ROBO2: variants seen among roughly 807,000 people sequenced by gnomAD.
ROBO2 encodes the protein roundabout guidance receptor 2.
ROBO2 carries 53 observed loss-of-function variants against 160.8 expected under a neutral mutation model. That is an observed-to-expected ratio of 0.33 (90% CI 0.26 to 0.41). ROBO2 has a LOEUF of 0.41. Among genes scored for constraint, ROBO2 ranks in the 10% least tolerant of loss-of-function variants. The pLI is 1.00. For synonymous variants in ROBO2, 664 were observed against 611.7 expected (o/e 1.09, Z -1.26); for missense variants, 1,577 against 1,722.4 (o/e 0.92, Z 1.49).
In ROBO2 at chr3:76,099,931, A is replaced by G. The variant is rs555220989; in HGVS notation, c.109+162329A>G. Among the ~76,000 whole-genome samples the G allele has an allele frequency of 5.3e-5, 8 of 152,256 alleles. No homozygotes were observed. In the South Asian group the frequency reaches 1.2e-3, roughly 24 times the overall value. ...CCAAATTTTCAGCAATCTTCTCAGA[A>G]TAGTTTTCGTCTGTAGGTAAGGGAG... On this transcript the variant is annotated intron_variant, in intron 2 of 26. Transcript: ENST00000487694.
chr3:76,891,126 C>T (rs540650710), intron 2 of ROBO2, among the ~76,000 whole-genome samples: 20 of 152,106 alleles, frequency 1.3e-4, no homozygotes, highest in African/African-American at 4.1e-4. Context: ...TTATGTAGTT[C>T]TTAATATCGA....
chr3:76,625,974 A>G (rs2089615004), intron 2 of ROBO2, among the ~76,000 whole-genome samples: 1 of 152,168 alleles, frequency 6.6e-6, no homozygotes, highest in African/African-American at 2.4e-5. Flanking sequence ...ATCCAGGTGA[A>G]AGTTAGATTA....
At chr3:77,286,590 T>A (rs1319648247) in intron 2 of ROBO2, among the ~76,000 whole-genome samples, 1 of 152,130 alleles carries the variant, frequency 6.6e-6, no homozygotes, top group African/African-American at 2.4e-5. Flanking sequence ...TTTGCAAATA[T>A]TATAAAATTG....
chr3:77,597,269 A>G (rs746837662), intron 19 of ROBO2, among the ~76,000 whole-genome samples: 6 of 151,872 alleles, frequency 4.0e-5, no homozygotes, highest in Non-Finnish European at 7.4e-5. Flanking sequence ...ACTTTTCTGT[A>G]GTTCCACAAC....
chr3:76,083,614 T>C (rs1387506091), intron 2 of ROBO2, among the ~76,000 whole-genome samples: 1 of 152,154 alleles, frequency 6.6e-6, no homozygotes, highest in East Asian at 1.9e-4. Context: ...CATCTGAGTT[T>C]AGATTCATAG....
intron 2 of ROBO2, among the ~76,000 whole-genome samples, chr3:77,240,694 C>A (rs932925704): frequency 3.9e-5 from 6 of 152,206 alleles, no homozygotes; most frequent in African/African-American, 1.4e-4. Flanking sequence ...ATGTGGAACC[C>A]ATGGATATGG....
chr3:76,704,977 T>G (rs921287332), intron 2 of ROBO2, among the ~76,000 whole-genome samples: 2 of 152,140 alleles, frequency 1.3e-5, no homozygotes, highest in East Asian at 1.9e-4. Flanking sequence ...GCCTGTGGAC[T>G]TTTTCTGGGT....
intron 23 of ROBO2, among the ~76,000 whole-genome samples, chr3:77,626,476 C>T (rs2095030135): frequency 6.6e-6 from 1 of 152,122 alleles, no homozygotes; most frequent in African/African-American, 2.4e-5. Flanking sequence ...GCTCATTGCA[C>T]TCTGTTTGGG....
At position 75,928,771 on chromosome 3, in the gene ROBO2, G is replaced by A. The variant is rs1267375326; in HGVS notation, c.-13-8710G>A. On this transcript the variant is annotated intron_variant, in intron 1 of 26. Coordinates refer to the ROBO2 transcript ENST00000487694. The stretch of plus-strand genomic sequence containing the variant: ...CATGAGATCTGCAGCTGGTTAAGAC[G>A]TGTGTGTGTGTGTGAGATAGCTGAT... 2.0e-5 allele frequency among the ~76,000 whole-genome samples: 3 copies of A among 150,684 alleles called. No homozygotes were observed. In the East Asian group the frequency reaches 5.9e-4, roughly 29 times the overall value.
chr3:77,574,429 G>A, intron 13 of ROBO2, 70 bp from the exon 15 acceptor site: 2 of 1,307,820 alleles, frequency 1.5e-6, no homozygotes, highest in Non-Finnish European at 2.2e-6. Flanking sequence ...CAAATGAAAA[G>A]AGGACAAATT....
At chr3:76,573,242 A>G (rs1560172384) in intron 2 of ROBO2, among the ~76,000 whole-genome samples, 1 of 152,054 alleles carries the variant, frequency 6.6e-6, no homozygotes, top group Non-Finnish European at 1.5e-5. Flanking sequence ...TGATATGTCT[A>G]AGACTCAGTT....
chr3:77,528,623 A>T (rs2091388816), intron 6 of ROBO2, among the ~76,000 whole-genome samples: 1 of 151,698 alleles, frequency 6.6e-6, no homozygotes, highest in South Asian at 2.1e-4. Context: ...GGAGAGAATA[A>T]TACTGACTTA....
At chr3:77,293,356 G>A (rs1159827894) in intron 2 of ROBO2, among the ~76,000 whole-genome samples, 1 of 150,620 alleles carries the variant, frequency 6.6e-6, no homozygotes, top group Admixed American at 6.7e-5. Flanking sequence ...AAGTAAAATT[G>A]ACGATTAAAC....
intron 2 of ROBO2, among the ~76,000 whole-genome samples, chr3:76,665,509 C>T (rs1575810589): frequency 6.6e-6 from 1 of 151,832 alleles, no homozygotes; most frequent in East Asian, 1.9e-4. Context: ...ACAAGCACCT[C>T]CTACATCCAT....
chr3:76,771,489 A>T lies in ROBO2; in HGVS notation c.110-326525A>T, dbSNP rs114263457. 3.8e-3 allele frequency among the ~76,000 whole-genome samples: 573 copies of T among 151,206 alleles called. 6 individuals carry two copies. Among genetic ancestry groups the T allele is most frequent in the African/African-American group, 0.013 (543 of 41,406 alleles). The stretch of plus-strand genomic sequence containing the variant: ...TGCATAATATTATTTTCTCATTTTG[A>T]TGTCTTTATTCCTAATCAGTCAGAA... On this transcript the variant is annotated intron_variant, in intron 2 of 26. Coordinates refer to the ROBO2 transcript ENST00000487694.
chr3:76,325,273 T>C (rs1175434611), intron 2 of ROBO2, among the ~76,000 whole-genome samples: 1 of 152,214 alleles, frequency 6.6e-6, no homozygotes, highest in Non-Finnish European at 1.5e-5. Context: ...TCAACTTTTA[T>C]GGTATCAAAG....
Position 76,646,884 on chromosome 3 carries a change from A to C in ROBO2, c.110-451130A>C, listed in dbSNP as rs146748074. On this transcript the variant is annotated intron_variant, in intron 2 of 26. Coordinates refer to the ROBO2 transcript ENST00000487694. ...GTAACTGAAAAGACATGATAGTAAG[A>C]GTACCACAGTTACTATCAGAACTAG... is the stretch of plus-strand genomic sequence containing the variant. Among the ~76,000 whole-genome samples, 1,192 of 152,334 alleles carry C rather than the reference A, an allele frequency of 7.8e-3. 6 individuals are homozygous for C. Among genetic ancestry groups the C allele is most frequent in the African/African-American group, 0.026 (1,062 of 41,582 alleles).
Position 76,952,107 on chromosome 3 carries a change from G to A in ROBO2, c.110-145907G>A, listed in dbSNP as rs1211382631. On this transcript the variant is annotated intron_variant, in intron 2 of 26. Coordinates refer to the ROBO2 transcript ENST00000487694. ...TAGCATGTGAGACTGATGACTTTCA[G>A]CAGACCTCCCATCCCATAGTAGATA... 2.6e-5 allele frequency among the ~76,000 whole-genome samples: 4 copies of A among 152,114 alleles called. No individual in the cohort carries two copies. In the East Asian group the frequency reaches 7.7e-4, roughly 29 times the overall value.
intron 2 of ROBO2, among the ~76,000 whole-genome samples, chr3:77,253,924 G>A (rs1244775300): frequency 6.6e-6 from 1 of 151,936 alleles, no homozygotes; most frequent in African/African-American, 2.4e-5. Flanking sequence ...AAAGAAAAAG[G>A]GTATATCTTG....
Sources: allele counts gnomAD v4.1 joint callset (sites outside exome capture counted in the v4.1 genomes callset), GRCh38; gene constraint gnomAD v4.1.1; transcripts MANE v1.5; gene names NCBI Gene and HGNC (gene_info 2026-07-23, HGNC 2026-07-21).